Variants in OR10J1 observed in about 807,000 individuals in gnomAD.
OR10J1 encodes the protein olfactory receptor 10J1.
For synonymous variants in OR10J1, 202 were observed against 143.8 expected (o/e 1.40, Z -2.89); for missense variants, 474 against 376.6 (o/e 1.26, Z -2.14).
At chr1:159,432,061 A>C in the OR10J1 span, 1 of 397,624 alleles carries the variant, frequency 2.5e-6, no homozygotes. Flanking sequence ...CCTGTGTCTG[A>C]ATGTTGAGAG....
Position 159,440,821 on chromosome 1 carries a change from A to C in OR10J1, c.*100A>C. The C allele has an allele frequency of 7.8e-7, 1 of 1,279,402 alleles. No individual in the cohort carries two copies. The highest frequency in any genetic ancestry group is 1.5e-5 in the African/African-American group (1 of 67,556). The allele number at this position is 1,279,402 out of a possible 1,614,324, so 79.3% of individuals were successfully genotyped here. On this transcript the variant is annotated 3_prime_UTR_variant, in exon 1 of 1. Coordinates refer to ENST00000423932, the MANE Select transcript of OR10J1 (RefSeq NM_012351.3). The stretch of plus-strand genomic sequence containing the variant: ...CTTGGCTCCTAGAGACCTGCCCCTT[A>C]AATAAGAGGCAAAAGAGGAATAGCA...
the OR10J1 span, among the ~76,000 whole-genome samples, chr1:159,421,735 G>A: frequency 6.6e-6 from 1 of 152,182 alleles, no homozygotes; most frequent in South Asian, 2.1e-4. Context: ...AGTTTGGGTA[G>A]GAACTGGAAT....
the OR10J1 span, among the ~76,000 whole-genome samples, chr1:159,409,805 G>T: frequency 6.6e-6 from 1 of 152,050 alleles, no homozygotes. Flanking sequence ...TCCAGTTTTT[G>T]CCCATTCAGT....
chr1:159,431,492 C>T, the OR10J1 span, among the ~76,000 whole-genome samples: 15 of 152,298 alleles, frequency 9.8e-5, no homozygotes, highest in African/African-American at 3.6e-4. Context: ...TTGCACTGGC[C>T]TTTGACGAGC....
chr1:159,421,197 G>A, the OR10J1 span, among the ~76,000 whole-genome samples: 1 of 151,934 alleles, frequency 6.6e-6, no homozygotes, highest in Non-Finnish European at 1.5e-5. Flanking sequence ...GATTTCAAAT[G>A]TATTTTGTAT....
rs549869033 is a variant in OR10J1, at chr1:159,440,463, C to A, written c.672C>A (p.Ile224=). The part of the protein sequence containing the change: ...FISYVLIIST[I]LKIASVEGRK... Reference sequence around the variant, plus strand: ...CTTATGTTCTCATTATCTCTACAATCCTCAAGATTGCTTCAGTTGAGGGCC... The same window carrying A: ...CTTATGTTCTCATTATCTCTACAATACTCAAGATTGCTTCAGTTGAGGGCC... Residue 224 remains isoleucine, a synonymous_variant, in exon 1 of 1, where the codon ATC becomes ATA. Coordinates refer to ENST00000423932, the MANE Select transcript of OR10J1 (RefSeq NM_012351.3). 7 of 1,614,126 alleles carry A rather than the reference C, an allele frequency of 4.3e-6. No homozygotes were observed. The highest frequency in any genetic ancestry group is 1.7e-5 in the Admixed American group (1 of 60,004).
the OR10J1 span, among the ~76,000 whole-genome samples, chr1:159,425,516 G>A: frequency 6.6e-6 from 1 of 152,036 alleles, no homozygotes; most frequent in Non-Finnish European, 1.5e-5. Flanking sequence ...AGGCTTTATA[G>A]TTCTGATGGA....
At chr1:159,432,925 T>G (rs769556210), upstream of OR10J1, 22 of 429,876 alleles carry the variant, frequency 5.1e-5, no homozygotes, top group Admixed American at 2.3e-4. Context: ...CCTTTGCTAC[T>G]TGTGCCTCAC....
At chr1:159,397,643 C>CT in the OR10J1 span, among the ~76,000 whole-genome samples, 1 of 152,054 alleles carries the variant, frequency 6.6e-6, no homozygotes, top group Non-Finnish European at 1.5e-5. Context: ...GCGGTGGGGG[C>CT]TATGGGGGTG....
the OR10J1 span, among the ~76,000 whole-genome samples, chr1:159,423,425 T>C: frequency 2.0e-5 from 3 of 152,214 alleles, no homozygotes; most frequent in African/African-American, 7.2e-5. Context: ...GGGAACAGCC[T>C]TGAAACACAG....
the OR10J1 span, among the ~76,000 whole-genome samples, chr1:159,432,016 G>A: frequency 7.2e-5 from 11 of 152,172 alleles, no homozygotes; most frequent in African/African-American, 2.2e-4. Context: ...CCAGTCTCAG[G>A]GCCCAGAGAA....
At chr1:159,421,408 A>G in the OR10J1 span, among the ~76,000 whole-genome samples, 4 of 151,670 alleles carry the variant, frequency 2.6e-5, no homozygotes, top group Non-Finnish European at 5.9e-5. Context: ...TTTCTTTTTG[A>G]TTTGGATCTC....
the OR10J1 span, among the ~76,000 whole-genome samples, chr1:159,412,373 C>G: frequency 1.4e-4 from 20 of 142,302 alleles, no homozygotes; most frequent in South Asian, 1.4e-3. Context: ...GAGCCCGCAT[C>G]GCCAAGTCAA....
At chr1:159,419,885 T>G in the OR10J1 span, among the ~76,000 whole-genome samples, 1 of 152,214 alleles carries the variant, frequency 6.6e-6, no homozygotes, top group Non-Finnish European at 1.5e-5. Flanking sequence ...TATTTTTACT[T>G]TTCCTTCTGG....
upstream of OR10J1, among the ~76,000 whole-genome samples, chr1:159,434,350 C>T (rs1655675978): frequency 6.6e-6 from 1 of 152,166 alleles, no homozygotes; most frequent in Non-Finnish European, 1.5e-5. Flanking sequence ...TGTGGATTTA[C>T]ACATATCTCA....
the OR10J1 span, among the ~76,000 whole-genome samples, chr1:159,410,603 G>A: frequency 4.0e-5 from 6 of 150,888 alleles, no homozygotes; most frequent in African/African-American, 1.5e-4. Flanking sequence ...TTCTTTATTA[G>A]TCTTGCTAGC....
At chr1:159,421,108 A>T in the OR10J1 span, among the ~76,000 whole-genome samples, 1 of 152,030 alleles carries the variant, frequency 6.6e-6, no homozygotes, top group Admixed American at 6.6e-5. Flanking sequence ...CTTTTAAAAA[A>T]TTTTTGCCTG....
At chr1:159,425,201 G>C in the OR10J1 span, among the ~76,000 whole-genome samples, 1 of 152,118 alleles carries the variant, frequency 6.6e-6, no homozygotes, top group African/African-American at 2.4e-5. Context: ...CCATGTTCTT[G>C]TTCTCAGATA....
chr1:159,405,564 C>G, the OR10J1 span: 1 of 373,762 alleles, frequency 2.7e-6, no homozygotes, highest in Admixed American at 3.2e-5. Context: ...TGAGTCTGTT[C>G]TGCCCCAGGA....
Sources: allele counts gnomAD v4.1 joint callset (sites outside exome capture counted in the v4.1 genomes callset), GRCh38; gene constraint gnomAD v4.1.1; transcripts MANE v1.5; gene names NCBI Gene and HGNC (gene_info 2026-07-23, HGNC 2026-07-21).